The following MAP2K6 variants were observed in gnomAD, a reference collection of about 807,000 sequenced individuals.
The protein encoded by MAP2K6 is mitogen-activated protein kinase kinase 6, also known as dual specificity mitogen-activated protein kinase kinase 6.
A neutral mutation model predicts 53.7 loss-of-function variants in MAP2K6; 16 were observed. That is an observed-to-expected ratio of 0.30 (90% CI 0.20 to 0.45). MAP2K6 has a LOEUF of 0.45. MAP2K6 is among the 20% of genes least tolerant of loss of function. The pLI, the probability that MAP2K6 is intolerant of heterozygous loss-of-function variation, is 1.00. For synonymous variants in MAP2K6, 132 were observed against 143.1 expected, an observed-to-expected ratio of 0.92 and a Z score of 0.55; for missense variants, 204 against 411.9, an observed-to-expected ratio of 0.50 and a Z score of 4.37.
chr17:69,418,767 T>C (rs1278896152), intron 1 of MAP2K6, among the ~76,000 whole-genome samples: 1 of 152,186 alleles, frequency 6.6e-6, no homozygotes, highest in Non-Finnish European at 1.5e-5. Flanking sequence ...TCATGCATAC[T>C]ATGCCCTTAG....
chr17:69,448,250 T>G (rs1429253206), intron 1 of MAP2K6, among the ~76,000 whole-genome samples: 18 of 147,714 alleles, frequency 1.2e-4, no homozygotes, highest in African/African-American at 4.3e-4. Flanking sequence ...TTTTGTTTTT[T>G]TTTTTTTTCA....
intron 1 of MAP2K6, among the ~76,000 whole-genome samples, chr17:69,500,447 C>CAAAAAAAAAAA (rs58712110): frequency 5.2e-5 from 3 of 57,626 alleles, no homozygotes; most frequent in Non-Finnish European, 9.2e-5. Context: ...GACTCTGTCT[C>CAAAAAAAAAAA]AAAAAAAAAA....
At chr17:69,450,379 T>A (rs1028542135) in intron 1 of MAP2K6, among the ~76,000 whole-genome samples, 1 of 152,194 alleles carries the variant, frequency 6.6e-6, no homozygotes, top group African/African-American at 2.4e-5. Flanking sequence ...GGCAGTAGCA[T>A]CCGAAAAGGT....
At position 69,497,844 on chromosome 17, in the gene MAP2K6, A is replaced by C. The variant is rs371355926; in HGVS notation, c.17-7936A>C. On this transcript the variant is annotated intron_variant, in intron 1 of 11. Transcript: ENST00000590474. Reference sequence around the variant, plus strand: ...GTCTTTTTAAACTTTGATTTTGGAAATATTTAAATATATAAAGAAGACATA... The same window carrying C: ...GTCTTTTTAAACTTTGATTTTGGAACTATTTAAATATATAAAGAAGACATA... Among the ~76,000 whole-genome samples the C allele has an allele frequency of 1.1e-4, 17 of 152,288 alleles. No individual in the cohort carries two copies. The East Asian group carries it at 1.5e-3, about 14-fold the overall frequency.
At chr17:69,498,312 AAAC>A (rs1272342742) in intron 1 of MAP2K6, among the ~76,000 whole-genome samples, 1 of 151,972 alleles carries the variant, frequency 6.6e-6, no homozygotes, top group African/African-American at 2.4e-5. Context: ...AACAAACACA[AAAC>A]AACTTTACAT....
chr17:69,451,969 G>A (rs377278490), intron 1 of MAP2K6, among the ~76,000 whole-genome samples: 1 of 152,244 alleles, frequency 6.6e-6, no homozygotes, highest in East Asian at 1.9e-4. Flanking sequence ...CAAGGAGGCT[G>A]TTGGGAGTGT....
intron 10 of MAP2K6, among the ~76,000 whole-genome samples, chr17:69,529,504 A>ATT (rs10566943): frequency 1.9e-4 from 19 of 98,364 alleles, no homozygotes; most frequent in East Asian, 1.0e-3. Context: ...ATGGTTTTTA[A>ATT]TTTTTTTTTT....
intron 1 of MAP2K6, among the ~76,000 whole-genome samples, chr17:69,469,187 C>A (rs1907907818): frequency 6.6e-6 from 1 of 152,186 alleles, no homozygotes; most frequent in Non-Finnish European, 1.5e-5. Flanking sequence ...AGTTCTGTCC[C>A]CTTCCTTCAT....
Position 69,484,037 on chromosome 17 carries a change from A to G in MAP2K6, c.17-21743A>G, listed in dbSNP as rs1598283951. ...TGTCATAACCTTGGATTTGTCAACG[A>G]TTTCTTAGATATAATAGCAAAACCG... On this transcript the variant is annotated intron_variant, in intron 1 of 11. Coordinates refer to ENST00000590474, the MANE Select transcript of MAP2K6 (RefSeq NM_002758.4). 2.6e-5 allele frequency among the ~76,000 whole-genome samples: 4 copies of G among 152,116 alleles called. No homozygotes were observed. In the South Asian group the frequency reaches 8.3e-4, roughly 31 times the overall value.
At chr17:69,528,904 G>T (rs1910933051) in intron 10 of MAP2K6, among the ~76,000 whole-genome samples, 1 of 150,286 alleles carries the variant, frequency 6.7e-6, no homozygotes, top group South Asian at 2.1e-4. Context: ...GGCATCTTGG[G>T]TAGTACAGAA....
At position 69,517,480 on chromosome 17, in the gene MAP2K6, A is replaced by G; in HGVS notation, c.133-20A>G. 1 of 1,429,910 alleles carries G rather than the reference A, an allele frequency of 7.0e-7. No individual in the cohort carries two copies. Among genetic ancestry groups the G allele is most frequent in the Middle Eastern group, 1.8e-4 (1 of 5,578 alleles). 88.6% of individuals were successfully genotyped at this position (1,429,910 alleles called of 1,614,324 possible). On this transcript the variant is annotated intron_variant, in intron 3 of 11. Transcript: ENST00000590474. ...TTATTTTTCTCTTTCCCATTGCATT[A>G]TTCCTTTTCTCTCTTGCAGAACTTT... is the stretch of plus-strand genomic sequence containing the variant.
At chr17:69,425,290 C>T (rs1205585797) in intron 1 of MAP2K6, among the ~76,000 whole-genome samples, 1 of 152,032 alleles carries the variant, frequency 6.6e-6, no homozygotes, top group Non-Finnish European at 1.5e-5. Context: ...AAATGAATTT[C>T]CTTTTAAAGC....
Position 69,517,549 on chromosome 17 carries a change from G to A in MAP2K6, c.182G>A (p.Arg61Gln). Residue 61 changes from arginine (R) to glutamine (Q), a missense_variant, in exon 4 of 12, where the codon CGA (arginine) becomes CAA (glutamine). Around this residue, in one of 3 missense-constraint regions of MAP2K6, gnomAD observed 129 missense variants for 247.1 expected, o/e 0.52. Transcript: ENST00000590474. The stretch of plus-strand genomic sequence containing the variant: ...CTGGAGCCTATAATGGAACTGGGAC[G>A]AGGTGCGTACGGGGTGGTGGAGAAG... ...DDLEPIMELG[R>Q]GAYGVVEKMR... is the part of the protein sequence containing the mutation. 2 of 1,611,600 alleles carry A rather than the reference G, an allele frequency of 1.2e-6. No homozygotes were observed. The highest frequency in any genetic ancestry group is 1.7e-6 in the Non-Finnish European group (2 of 1,178,568).
intron 5 of MAP2K6, chr17:69,519,674 T>C (rs1348094547): frequency 2.1e-6 from 1 of 468,696 alleles, no homozygotes; most frequent in African/African-American, 2.0e-5. Context: ...TTTTTTGTTT[T>C]GTTTATCTTG....
chr17:69,464,526 C>T (rs989210683), intron 1 of MAP2K6, among the ~76,000 whole-genome samples: 13 of 152,048 alleles, frequency 8.5e-5, no homozygotes, highest in Admixed American at 2.0e-4. Flanking sequence ...GGACTACAGG[C>T]GTGCGCCGCC....
At chr17:69,522,055 G>A (rs571881127) in intron 7 of MAP2K6, among the ~76,000 whole-genome samples, 16 of 152,198 alleles carry the variant, frequency 1.1e-4, no homozygotes, top group Admixed American at 3.9e-4. Context: ...GCAGGTGATT[G>A]TAGTGATTGT....
At chr17:69,460,785 A>C (rs1907599711) in intron 1 of MAP2K6, among the ~76,000 whole-genome samples, 1 of 152,104 alleles carries the variant, frequency 6.6e-6, no homozygotes, top group Non-Finnish European at 1.5e-5. Flanking sequence ...GTTTTTGTAG[A>C]GAGGGGGTGT....
At chr17:69,511,584 T>G (rs1767201407) in intron 2 of MAP2K6, among the ~76,000 whole-genome samples, 1 of 152,214 alleles carries the variant, frequency 6.6e-6, no homozygotes, top group African/African-American at 2.4e-5. Flanking sequence ...ATTATTTCAT[T>G]TAACCACCAC....
At chr17:69,477,146 A>T (rs1217472413) in intron 1 of MAP2K6, 1 of 152,226 alleles carries the variant, frequency 6.6e-6, no homozygotes, top group East Asian at 1.9e-4. Flanking sequence ...ATTGCATGCA[A>T]GAGACTTATT....
Sources: allele counts gnomAD v4.1 joint callset (sites outside exome capture counted in the v4.1 genomes callset), GRCh38; gene constraint gnomAD v4.1.1; regional missense constraint gnomAD v4.1.1; transcripts MANE v1.5; gene names NCBI Gene and HGNC (gene_info 2026-07-23, HGNC 2026-07-21).